The following NETO2 variants were observed in gnomAD, a reference collection of about 807,000 sequenced individuals.
The protein encoded by NETO2 is neuropilin and tolloid-like protein 2.
In NETO2, 28 loss-of-function variants were observed where a neutral mutation model predicts 62.5. The ratio of observed to expected loss-of-function variants is 0.45; its 90% confidence interval spans 0.33 to 0.61. The LOEUF (loss-of-function observed/expected upper bound fraction) is 0.61, where lower values mean the gene tolerates loss of function less well. Among genes scored for constraint, NETO2 ranks in the 20% least tolerant of loss-of-function variants. The pLI is 0.02. For missense variants in NETO2, 548 were observed against 643.2 expected (o/e 0.85, Z 1.60); for synonymous variants, 214 against 219.1 (o/e 0.98, Z 0.21).
intron 7 of NETO2, among the ~76,000 whole-genome samples, chr16:47,102,431 T>C (rs1471900090): frequency 1.3e-5 from 2 of 151,954 alleles, no homozygotes; most frequent in Non-Finnish European, 2.9e-5. Context: ...AAGCCAAAAT[T>C]GACAAATGGA....
At chr16:47,099,782 CAAT>C (rs1963504348) in intron 7 of NETO2, among the ~76,000 whole-genome samples, 1 of 152,076 alleles carries the variant, frequency 6.6e-6, no homozygotes. Flanking sequence ...TATATGCACC[CAAT>C]ACAGGAGCAC....
chr16:47,093,954 T>C (rs546687993), intron 7 of NETO2, among the ~76,000 whole-genome samples: 1 of 152,234 alleles, frequency 6.6e-6, no homozygotes, highest in Admixed American at 6.5e-5. Context: ...TTCATGACAA[T>C]AGATAAGATA....
intron 1 of NETO2, among the ~76,000 whole-genome samples, chr16:47,137,744 C>T (rs1219810999): frequency 6.6e-6 from 1 of 152,178 alleles, no homozygotes; most frequent in Non-Finnish European, 1.5e-5. Flanking sequence ...AACAGCTCTC[C>T]ATCTGTTTTT....
At chr16:47,120,430 T>C (rs566518559) in intron 6 of NETO2, among the ~76,000 whole-genome samples, 1 of 152,330 alleles carries the variant, frequency 6.6e-6, no homozygotes, top group East Asian at 1.9e-4. Flanking sequence ...TGAGCTATCA[T>C]GATATAGGTA....
chr16:47,123,675 T>A (rs767855663), intron 4 of NETO2, among the ~76,000 whole-genome samples: 7 of 152,196 alleles, frequency 4.6e-5, no homozygotes, highest in Non-Finnish European at 8.8e-5. Flanking sequence ...GTCTAAAATG[T>A]CTCAGATTTC....
chr16:47,089,464 A>G (rs922188178), intron 7 of NETO2, among the ~76,000 whole-genome samples: 1 of 152,182 alleles, frequency 6.6e-6, no homozygotes, highest in African/African-American at 2.4e-5. Flanking sequence ...TGATGAGACT[A>G]TGCAATCAGT....
intron 7 of NETO2, among the ~76,000 whole-genome samples, chr16:47,097,009 C>G (rs1231460510): frequency 6.6e-6 from 1 of 152,216 alleles, no homozygotes; most frequent in African/African-American, 2.4e-5. Flanking sequence ...TACACTTTTC[C>G]CATGGTCTTC....
intron 7 of NETO2, among the ~76,000 whole-genome samples, chr16:47,109,018 T>C (rs954126057): frequency 6.6e-6 from 1 of 152,228 alleles, no homozygotes; most frequent in Non-Finnish European, 1.5e-5. Context: ...AAAGTATAAG[T>C]CTTCCCTGTC....
chr16:47,116,626 C>T (rs901167533), intron 6 of NETO2, among the ~76,000 whole-genome samples: 7 of 152,050 alleles, frequency 4.6e-5, no homozygotes, highest in African/African-American at 1.7e-4. Flanking sequence ...TAATGCTTAT[C>T]TTACAAAGTA....
At position 47,143,782 on chromosome 16, in the gene NETO2, GC is replaced by G; in HGVS notation, c.-171del. 1.1e-6 allele frequency: 1 copy of G among 923,268 alleles called. No individual in the cohort carries two copies. The highest frequency in any genetic ancestry group is 1.4e-6 in the Non-Finnish European group (1 of 716,918). 57.2% of individuals were successfully genotyped at this position (923,268 alleles called of 1,614,324 possible). A position where few individuals can be genotyped will look rare whatever the true frequency, so the allele number is the denominator to read the frequency against. ...AGGTCCTGCGGCCCGCCATGCCCGA[GC>G]CCCACAGTGGGCTCCCGCGCGGCCC... On this transcript the variant is annotated 5_prime_UTR_variant, in exon 1 of 9. It removes the in-frame stop codon of an upstream open reading frame in the 5' UTR. Coordinates refer to ENST00000562435, the MANE Select transcript of NETO2 (RefSeq NM_018092.5).
chr16:47,101,002 A>G (rs1012126901), intron 7 of NETO2, among the ~76,000 whole-genome samples: 1 of 152,220 alleles, frequency 6.6e-6, no homozygotes, highest in African/African-American at 2.4e-5. Flanking sequence ...ACAACAAAAA[A>G]GAAAATTTCA....
chr16:47,112,507 C>T (rs1354692388), intron 6 of NETO2, among the ~76,000 whole-genome samples: 2 of 152,136 alleles, frequency 1.3e-5, no homozygotes, highest in Non-Finnish European at 2.9e-5. Flanking sequence ...TACCGGTGTG[C>T]ACCACCACAC....
intron 1 of NETO2, among the ~76,000 whole-genome samples, chr16:47,134,227 G>A (rs1029423892): frequency 2.0e-5 from 3 of 151,988 alleles, no homozygotes; most frequent in African/African-American, 7.3e-5. Flanking sequence ...TATTCAGTTC[G>A]TATCTTAAAA....
chr16:47,130,521 T>C (rs1334815419), intron 2 of NETO2, among the ~76,000 whole-genome samples: 1 of 151,656 alleles, frequency 6.6e-6, no homozygotes. Flanking sequence ...AAGAAAAATA[T>C]TTAAAAACCA....
intron 1 of NETO2, among the ~76,000 whole-genome samples, chr16:47,133,553 T>C (rs1219315215): frequency 6.6e-6 from 1 of 151,164 alleles, no homozygotes; most frequent in Non-Finnish European, 1.5e-5. Flanking sequence ...AGTGAGACCA[T>C]GCCTCAATAA....
intron 2 of NETO2, among the ~76,000 whole-genome samples, chr16:47,129,986 A>G (rs528926534): frequency 7.9e-5 from 12 of 152,370 alleles, no homozygotes; most frequent in African/African-American, 2.9e-4. Flanking sequence ...AAGTCTGTTT[A>G]GAATGAGTTG....
chr16:47,122,649 A>C lies in NETO2; in HGVS notation c.654+8T>G. 6.2e-7 allele frequency: 1 copy of C among 1,613,268 alleles called. No individual in the cohort carries two copies. The highest frequency in any genetic ancestry group is 8.5e-7 in the Non-Finnish European group (1 of 1,179,794). ...TCTTCTCTGAAGCGACTCAATACAT[A>C]ATAATACCTTAGCTTTTGGAGTGGC... On this transcript the variant is annotated splice_region_variant and intron_variant, in intron 6 of 8. Coordinates refer to ENST00000562435, the MANE Select transcript of NETO2 (RefSeq NM_018092.5).
chr16:47,090,884 A>G (rs1297781182), intron 7 of NETO2, among the ~76,000 whole-genome samples: 2 of 152,204 alleles, frequency 1.3e-5, no homozygotes, highest in Admixed American at 1.3e-4. Flanking sequence ...TATTTCAGTT[A>G]TATCTGCAAT....
intron 7 of NETO2, among the ~76,000 whole-genome samples, chr16:47,108,302 A>C (rs1315598089): frequency 6.6e-6 from 1 of 152,206 alleles, no homozygotes. Context: ...TGGATGCTAA[A>C]ATTAGTGGGT....
Sources: gnomAD v4.1 joint callset for allele counts (sites outside exome capture counted in the v4.1 genomes callset) on GRCh38, gnomAD v4.1.1 for gene constraint, MANE v1.5 for transcripts, NCBI Gene and HGNC (gene_info 2026-07-23, HGNC 2026-07-21) for gene names.